Variants in METTL15 observed in about 807,000 individuals in gnomAD.
METTL15 encodes the protein methyltransferase 15, mitochondrial 12S rRNA N4-cytidine.
In METTL15, 34 loss-of-function variants were observed where a neutral mutation model predicts 38.3. The observed-to-expected ratio is 0.89, with a 90% CI of 0.68 to 1.18. The LOEUF is 1.18. Ranked by LOEUF, METTL15 falls within the 50% of genes most tolerant of loss-of-function variation. The pLI, the probability that METTL15 is intolerant of heterozygous loss-of-function variation, is 0.00. For synonymous variants in METTL15, 162 were observed against 170.9 expected (o/e 0.95, Z 0.41); for missense variants, 438 against 498.4 (o/e 0.88, Z 1.15).
At chr11:28,202,296 G>A (rs2133821765) in intron 3 of METTL15, among the ~76,000 whole-genome samples, 1 of 152,118 alleles carries the variant, frequency 6.6e-6, no homozygotes, top group South Asian at 2.1e-4. Flanking sequence ...AGAGTGAGAA[G>A]ATAGGATGAA....
intron 5 of METTL15, among the ~76,000 whole-genome samples, chr11:28,405,772 C>T (rs552714171): frequency 6.6e-6 from 1 of 152,254 alleles, no homozygotes; most frequent in East Asian, 1.9e-4. Flanking sequence ...AGTCTTTAGT[C>T]TAAGCTCCCA....
chr11:28,220,007 C>T (rs909655996), intron 4 of METTL15, among the ~76,000 whole-genome samples: 24 of 151,944 alleles, frequency 1.6e-4, no homozygotes, highest in African/African-American at 4.4e-4. Context: ...GGAATAAGTG[C>T]GATGTGGTGC....
intron 5 of METTL15, among the ~76,000 whole-genome samples, chr11:28,383,135 A>T (rs1047166379): frequency 3.3e-5 from 5 of 152,114 alleles, no homozygotes; most frequent in Admixed American, 1.3e-4. Context: ...TCTCTCAGGT[A>T]GGCCCCAGTA....
At chr11:28,288,834 A>G (rs1460326959) in intron 4 of METTL15, among the ~76,000 whole-genome samples, 1 of 152,088 alleles carries the variant, frequency 6.6e-6, no homozygotes, top group Admixed American at 6.6e-5. Context: ...AATAAATAAA[A>G]TAAAACAAAC....
rs575696231 is a variant in METTL15, at chr11:28,285,503, A to G, written c.408-4703A>G. ...GCTTTGGAGTAAAGAAGACTTAAAG[A>G]ACATGATAGCTATAGTAGTTAGCAT... On this transcript the variant is annotated intron_variant, in intron 4 of 6. Transcript: ENST00000407364. Among the ~76,000 whole-genome samples, 22 of 152,274 alleles carry G rather than the reference A, an allele frequency of 1.4e-4. 1 individual carries two copies. The highest frequency in any genetic ancestry group is 5.1e-4 in the African/African-American group (21 of 41,546).
At chr11:28,279,823 C>T (rs571528893) in intron 4 of METTL15, among the ~76,000 whole-genome samples, 4 of 150,904 alleles carry the variant, frequency 2.7e-5, no homozygotes, top group Non-Finnish European at 4.4e-5. Context: ...CGCTTGAACC[C>T]GGGAGGCGGA....
intron 4 of METTL15, among the ~76,000 whole-genome samples, chr11:28,246,415 G>T (rs1047932676): frequency 2.6e-5 from 4 of 152,008 alleles, no homozygotes; most frequent in Non-Finnish European, 5.9e-5. Flanking sequence ...ATAATAAATG[G>T]AACTCTTAGA....
At chr11:28,271,709 A>C (rs964252066) in intron 4 of METTL15, among the ~76,000 whole-genome samples, 2 of 152,204 alleles carry the variant, frequency 1.3e-5, no homozygotes, top group African/African-American at 4.8e-5. Flanking sequence ...CTAAAAGCCA[A>C]AATTGAAAAT....
At chr11:28,480,566 C>T (rs1851386702) in intron 6 of METTL15, among the ~76,000 whole-genome samples, 1 of 152,218 alleles carries the variant, frequency 6.6e-6, no homozygotes, top group Non-Finnish European at 1.5e-5. Flanking sequence ...CAAGCTGGCT[C>T]TAGCTGACTA....
chr11:28,254,305 T>C (rs1033073565), intron 4 of METTL15, among the ~76,000 whole-genome samples: 1 of 152,224 alleles, frequency 6.6e-6, no homozygotes, highest in African/African-American at 2.4e-5. Context: ...GTCAGATCTT[T>C]TGCTGACTTT....
intron 3 of METTL15, among the ~76,000 whole-genome samples, chr11:28,130,080 T>C (rs550282539): frequency 4.6e-5 from 7 of 152,202 alleles, no homozygotes; most frequent in Admixed American, 4.6e-4. Flanking sequence ...GAGGCTGTAA[T>C]TGGAGGATCG....
chr11:28,135,040 C>T (rs1849470067), intron 3 of METTL15, among the ~76,000 whole-genome samples: 1 of 152,156 alleles, frequency 6.6e-6, no homozygotes, highest in East Asian at 1.9e-4. Context: ...TTCTGAGCTA[C>T]AGCCAGTTAT....
At position 28,331,173 on chromosome 11, in the gene METTL15, G is replaced by A. The variant is rs1253656842; in HGVS notation, c.*332G>A. ...AAATACGTAAACTCAAGCTACCAAA[G>A]AGAAAGATGTTGTAATCATATCTGC... On this transcript the variant is annotated 3_prime_UTR_variant, in exon 7 of 7. Transcript: ENST00000407364. 5.6e-6 allele frequency: 1 copy of A among 178,374 alleles called. No individual in the cohort carries two copies. Among genetic ancestry groups the A allele is most frequent in the African/African-American group, 2.4e-5 (1 of 41,436 alleles). 11.0% of individuals were successfully genotyped at this position (178,374 alleles called of 1,614,324 possible).
chr11:28,325,559 A>G (rs765321598), intron 6 of METTL15, among the ~76,000 whole-genome samples: 32 of 152,186 alleles, frequency 2.1e-4, no homozygotes, highest in Non-Finnish European at 3.5e-4. Context: ...ATTTTTTTTC[A>G]TTTATCTATT....
At chr11:28,217,473 A>C (rs1432434971) in intron 4 of METTL15, among the ~76,000 whole-genome samples, 1 of 151,990 alleles carries the variant, frequency 6.6e-6, no homozygotes, top group Non-Finnish European at 1.5e-5. Flanking sequence ...TTGTCAGATG[A>C]GTAGGTTGCA....
At chr11:28,252,856 A>G (rs1405417404) in intron 4 of METTL15, among the ~76,000 whole-genome samples, 5 of 152,104 alleles carry the variant, frequency 3.3e-5, no homozygotes, top group South Asian at 4.1e-4. Context: ...CACTCCTGCA[A>G]TCACTCCAAT....
chr11:28,451,370 G>A (rs1174468356), intron 6 of METTL15, among the ~76,000 whole-genome samples: 2 of 152,080 alleles, frequency 1.3e-5, no homozygotes, highest in Admixed American at 6.5e-5. Flanking sequence ...CGGATCACGA[G>A]GTCAGGAGAT....
chr11:28,487,060 AT>A (rs1851445137), intron 6 of METTL15, among the ~76,000 whole-genome samples: 1 of 152,132 alleles, frequency 6.6e-6, no homozygotes, highest in Admixed American at 6.6e-5. Context: ...TTTTTTTAAG[AT>A]GTTCAAATAT....
chr11:28,134,013 T>A (rs1359447541), intron 3 of METTL15, among the ~76,000 whole-genome samples: 1 of 152,174 alleles, frequency 6.6e-6, no homozygotes, highest in East Asian at 1.9e-4. Flanking sequence ...CCAACAGACT[T>A]CTTTTTTAAT....
Sources: gnomAD v4.1 joint callset for allele counts (sites outside exome capture counted in the v4.1 genomes callset) on GRCh38, gnomAD v4.1.1 for gene constraint, MANE v1.5 for transcripts, NCBI Gene and HGNC (gene_info 2026-07-23, HGNC 2026-07-21) for gene names.